The following GPR146 variants were observed in gnomAD, a reference collection of about 807,000 sequenced individuals.
GPR146 encodes the protein G protein-coupled receptor 146.
For synonymous variants in GPR146, 203 were observed against 104.3 expected, an observed-to-expected ratio of 1.95 and a Z score of -5.77; for missense variants, 381 against 213.9, an observed-to-expected ratio of 1.78 and a Z score of -4.87.
intron 1 of GPR146, among the ~76,000 whole-genome samples, chr7:1,046,942 C>A (rs186841367): frequency 6.6e-6 from 1 of 152,236 alleles, no homozygotes; most frequent in African/African-American, 2.4e-5. Flanking sequence ...GTTAAGGCCA[C>A]GCCTAGTAAA....
At chr7:1,047,268 C>T (rs1379809754) in intron 1 of GPR146, among the ~76,000 whole-genome samples, 2 of 152,198 alleles carry the variant, frequency 1.3e-5, no homozygotes, top group African/African-American at 4.8e-5. Flanking sequence ...GTCCTGGAGC[C>T]GCAAACATGC....
At position 1,045,023 on chromosome 7, in the gene GPR146, A is replaced by G. The variant is rs1052278412; in HGVS notation, c.-25+365A>G. Among the ~76,000 whole-genome samples the G allele has an allele frequency of 2.0e-5, 3 of 152,308 alleles. No homozygotes were observed. The East Asian group carries it at 5.8e-4, about 29-fold the overall frequency. On this transcript the variant is annotated intron_variant, in intron 1 of 1. Transcript: ENST00000444847. ...GTGACTGCTTTCGGCCCCTTCTGTG[A>G]TTAGTATTTTAAAGTGAGTTTTGGA...
intron 1 of GPR146, among the ~76,000 whole-genome samples, chr7:1,048,747 C>T (rs767080357): frequency 5.9e-5 from 9 of 152,168 alleles, no homozygotes; most frequent in Non-Finnish European, 1.2e-4. Flanking sequence ...TCCTGTCGCC[C>T]CTGTCCACAC....
At chr7:1,055,778 C>T (rs1583593569) in intron 1 of GPR146, among the ~76,000 whole-genome samples, 1 of 152,260 alleles carries the variant, frequency 6.6e-6, no homozygotes, top group East Asian at 1.9e-4. Flanking sequence ...AGACAGCCCT[C>T]CCGCTCCGAT....
intron 1 of GPR146, among the ~76,000 whole-genome samples, chr7:1,047,646 G>A (rs2128193401): frequency 6.6e-6 from 1 of 152,382 alleles, no homozygotes; most frequent in South Asian, 2.1e-4. Context: ...CCAAGGTTGA[G>A]CGTCTCATGG....
At chr7:1,045,210 C>T (rs1052035008) in intron 1 of GPR146, 1 of 152,242 alleles carries the variant, frequency 6.6e-6, no homozygotes, top group African/African-American at 2.4e-5. Flanking sequence ...GTATTACAAA[C>T]CTGGCAAGTC....
intron 1 of GPR146, chr7:1,056,931 A>G (rs1308160232): frequency 6.5e-6 from 1 of 152,894 alleles, no homozygotes; most frequent in Non-Finnish European, 1.5e-5. Flanking sequence ...TCATTCAGTG[A>G]CGTCAAGACT....
intron 1 of GPR146, among the ~76,000 whole-genome samples, chr7:1,045,134 TG>T (rs779170085): frequency 2.0e-5 from 3 of 152,206 alleles, no homozygotes; most frequent in Non-Finnish European, 4.4e-5. Context: ...AAAGCTTCAC[TG>T]GAAGGCAGTG....
chr7:1,047,519 A>C (rs573967173), intron 1 of GPR146, among the ~76,000 whole-genome samples: 1 of 152,384 alleles, frequency 6.6e-6, no homozygotes, highest in East Asian at 1.9e-4. Context: ...TTTCCTAAGC[A>C]TCTGGCTCCT....
rs186530173 is a variant in GPR146 at position 1,047,744 on chromosome 7, T to C, written c.-25+3086T>C. On this transcript the variant is annotated intron_variant, in intron 1 of 1. Coordinates refer to ENST00000444847, the MANE Select transcript of GPR146 (RefSeq NM_001303473.2). The stretch of plus-strand genomic sequence containing the variant: ...GATGCAGTGCCTGGGGCCTCGCAGT[T>C]CTCTTTCCACTCAAATCTAAGGCTC... 1.1e-3 allele frequency among the ~76,000 whole-genome samples: 170 copies of C among 152,324 alleles called. 1 individual carries two copies. The highest frequency in any genetic ancestry group is 7.8e-3 in the Admixed American group (120 of 15,294).
intron 1 of GPR146, among the ~76,000 whole-genome samples, chr7:1,053,693 G>GGT (rs1783401353): frequency 6.6e-6 from 1 of 152,212 alleles, no homozygotes; most frequent in African/African-American, 2.4e-5. Context: ...TGGGTGTGGT[G>GGT]GCAGTCGCCT....
At chr7:1,048,696 A>G (rs1782812652) in intron 1 of GPR146, among the ~76,000 whole-genome samples, 2 of 152,224 alleles carry the variant, frequency 1.3e-5, no homozygotes, top group African/African-American at 4.8e-5. Context: ...AAAGATGCCA[A>G]CGTCTCACTT....
chr7:1,056,824 A>G (rs1371112151), intron 1 of GPR146: 2 of 119,830 alleles, frequency 1.7e-5, no homozygotes. Context: ...GCTTCCCGAG[A>G]TAGCTGTAGG....
At chr7:1,054,019 GT>G (rs938331117) in intron 1 of GPR146, among the ~76,000 whole-genome samples, 3 of 152,170 alleles carry the variant, frequency 2.0e-5, no homozygotes, top group African/African-American at 7.2e-5. Flanking sequence ...CGAGGAAGGG[GT>G]TTCCTCACGC....
intron 1 of GPR146, among the ~76,000 whole-genome samples, chr7:1,051,545 C>T (rs926780802): frequency 1.3e-5 from 2 of 152,260 alleles, no homozygotes; most frequent in Non-Finnish European, 2.9e-5. Context: ...GGCCCAGGCC[C>T]AGCCTTGAAG....
At position 1,059,051 on chromosome 7, in the gene GPR146, A is replaced by G. The variant is rs186585072; in HGVS notation, c.*534A>G. The G allele has an allele frequency of 3.4e-4, 60 of 174,212 alleles. No homozygotes were observed. The highest frequency in any genetic ancestry group is 1.4e-3 in the African/African-American group (57 of 41,630). The allele number at this position is 174,212 out of a possible 1,614,324, so 10.8% of individuals were successfully genotyped here. ...CCACAGGGTTCTGAGAACATTTCAC[A>G]GAAGTGCCTGAGACGCGGAGACATG... On this transcript the variant is annotated 3_prime_UTR_variant, in exon 2 of 2. Coordinates refer to ENST00000444847, the MANE Select transcript of GPR146 (RefSeq NM_001303473.2).
intron 1 of GPR146, chr7:1,055,391 C>T (rs1376580510): frequency 2.1e-6 from 1 of 470,314 alleles, no homozygotes; most frequent in Non-Finnish European, 4.4e-6. Flanking sequence ...CAGGTCCTCA[C>T]CAGAGCTCTG....
At chr7:1,054,437 G>A (rs1278165324) in intron 1 of GPR146, among the ~76,000 whole-genome samples, 2 of 152,260 alleles carry the variant, frequency 1.3e-5, no homozygotes, top group African/African-American at 2.4e-5. Context: ...AACCCCACCT[G>A]GAGGCCGGCG....
At chr7:1,055,899 A>T (rs1273713116) in intron 1 of GPR146, among the ~76,000 whole-genome samples, 1 of 152,164 alleles carries the variant, frequency 6.6e-6, no homozygotes. Flanking sequence ...TGGGGACTCA[A>T]GTGGAGTCTG....
Sources: allele counts gnomAD v4.1 joint callset (sites outside exome capture counted in the v4.1 genomes callset), GRCh38; gene constraint gnomAD v4.1.1; transcripts MANE v1.5; gene names NCBI Gene and HGNC (gene_info 2026-07-23, HGNC 2026-07-21).